Variants in MEF2A observed in about 807,000 individuals in gnomAD.
MEF2A encodes myocyte-specific enhancer factor 2A.
In MEF2A, 28 loss-of-function variants were observed where a neutral mutation model predicts 55.8. That is an observed-to-expected ratio of 0.50 (90% CI 0.37 to 0.69). The LOEUF (loss-of-function observed/expected upper bound fraction) is 0.69. MEF2A is among the 30% of genes least tolerant of loss of function. MEF2A has a pLI of 0.00. For missense variants in MEF2A, 528 were observed against 626.2 expected, an observed-to-expected ratio of 0.84 and a Z score of 1.67; for synonymous variants, 239 against 227.1, an observed-to-expected ratio of 1.05 and a Z score of -0.47.
intron 1 of MEF2A, among the ~76,000 whole-genome samples, chr15:99,597,801 A>G (rs983221550): frequency 3.9e-5 from 6 of 152,292 alleles, no homozygotes; most frequent in African/African-American, 9.6e-5. Flanking sequence ...AAGAACCTAC[A>G]TGAATATTGG....
chr15:99,607,443 A>G (rs1441249911), intron 2 of MEF2A, among the ~76,000 whole-genome samples: 1 of 152,222 alleles, frequency 6.6e-6, no homozygotes, highest in Non-Finnish European at 1.5e-5. Flanking sequence ...CACATTTATC[A>G]GGTTTGATTC....
chr15:99,579,080 A>G (rs1157618089), intron 1 of MEF2A, among the ~76,000 whole-genome samples: 1 of 152,014 alleles, frequency 6.6e-6, no homozygotes, highest in African/African-American at 2.4e-5. Flanking sequence ...CATTTGAATC[A>G]CTTCTTTCTT....
chr15:99,689,055 G>A (rs325393), intron 7 of MEF2A, among the ~76,000 whole-genome samples: 25 of 152,150 alleles, frequency 1.6e-4, no homozygotes, highest in African/African-American at 6.0e-4. Context: ...GGTTTCATAC[G>A]TATTTTATAT....
intron 4 of MEF2A, among the ~76,000 whole-genome samples, chr15:99,659,164 TG>T (rs533290906): frequency 6.6e-5 from 10 of 152,278 alleles, no homozygotes; most frequent in Middle Eastern, 3.4e-3. Context: ...CATTTACGTG[TG>T]GAGATCTAGA....
intron 1 of MEF2A, among the ~76,000 whole-genome samples, chr15:99,590,376 A>G (rs1968856431): frequency 1.3e-5 from 2 of 150,460 alleles, no homozygotes; most frequent in African/African-American, 4.9e-5. Flanking sequence ...TCTTATAGAC[A>G]ACATATATAT....
At chr15:99,583,598 C>T (rs1187603600) in intron 1 of MEF2A, among the ~76,000 whole-genome samples, 1 of 152,044 alleles carries the variant, frequency 6.6e-6, no homozygotes, top group African/African-American at 2.4e-5. Context: ...GGAATATTAG[C>T]TTGTACCATG....
At chr15:99,650,338 A>G (rs922537159) in intron 4 of MEF2A, among the ~76,000 whole-genome samples, 2 of 152,204 alleles carry the variant, frequency 1.3e-5, no homozygotes, top group Admixed American at 6.5e-5. Flanking sequence ...CCGTAAGTAG[A>G]TAAGATTTTA....
intron 1 of MEF2A, among the ~76,000 whole-genome samples, chr15:99,589,700 T>A (rs1196804326): frequency 6.6e-6 from 1 of 152,118 alleles, no homozygotes; most frequent in East Asian, 1.9e-4. Context: ...TGCCATTTAG[T>A]TCAATGTATT....
At chr15:99,656,902 T>C (rs1192030949) in intron 4 of MEF2A, among the ~76,000 whole-genome samples, 2 of 152,082 alleles carry the variant, frequency 1.3e-5, no homozygotes, top group East Asian at 3.9e-4. Context: ...CGCTATCTAA[T>C]TCTAGAACAT....
chr15:99,694,819 T>C (rs2056162721), intron 8 of MEF2A, among the ~76,000 whole-genome samples: 1 of 152,184 alleles, frequency 6.6e-6, no homozygotes. Context: ...CTCTCTCATT[T>C]ATTCAACCAT....
At chr15:99,663,236 A>T in intron 4 of MEF2A, among the ~76,000 whole-genome samples, 1 of 152,322 alleles carries the variant, frequency 6.6e-6, no homozygotes, top group South Asian at 2.1e-4. Flanking sequence ...GTTCTTATTT[A>T]AGAGCCCATA....
chr15:99,641,110 A>G (rs980278839), intron 3 of MEF2A, among the ~76,000 whole-genome samples: 1 of 152,122 alleles, frequency 6.6e-6, no homozygotes, highest in Non-Finnish European at 1.5e-5. Flanking sequence ...GTCCGCAAAG[A>G]ACTCTGATTG....
At position 99,713,127 on chromosome 15, in the gene MEF2A, G is replaced by C. The variant is rs1355540488; in HGVS notation, c.*356G>C. On this transcript the variant is annotated 3_prime_UTR_variant, in exon 12 of 12. Transcript: ENST00000557942. The stretch of plus-strand genomic sequence containing the variant: ...TATAATTCTCCCACACTAGCTTGCA[G>C]AAACCTAGAGGGCCCCCTACTTGTT... 4.7e-6 allele frequency: 2 copies of C among 428,734 alleles called. No homozygotes were observed. The highest frequency in any genetic ancestry group is 8.2e-6 in the Non-Finnish European group (2 of 243,058). The allele number at this position is 428,734 out of a possible 1,614,324, so 26.6% of individuals were successfully genotyped here.
chr15:99,645,937 T>C (rs1441183830), intron 4 of MEF2A, 173 bp downstream of exon 4: 4 of 508,282 alleles, frequency 7.9e-6, no homozygotes, highest in Non-Finnish European at 1.4e-5. Context: ...ACTTGTGTTA[T>C]AAACATACTC....
chr15:99,575,775 T>C (rs969602330), intron 1 of MEF2A, among the ~76,000 whole-genome samples: 2 of 152,234 alleles, frequency 1.3e-5, no homozygotes, highest in African/African-American at 4.8e-5. Context: ...CCTCTCCATT[T>C]ATTAGTGGGC....
chr15:99,572,928 A>C (rs1006720828), intron 1 of MEF2A, among the ~76,000 whole-genome samples: 5 of 152,248 alleles, frequency 3.3e-5, no homozygotes, highest in African/African-American at 9.6e-5. Context: ...TTGTGTGCTC[A>C]GTATCTACCA....
At chr15:99,700,187 T>TACAC (rs1234666173) in intron 8 of MEF2A, among the ~76,000 whole-genome samples, 11 of 112,294 alleles carry the variant, frequency 9.8e-5, no homozygotes, top group African/African-American at 2.6e-4. Context: ...TGTGTATATA[T>TACAC]ACACACACAC....
chr15:99,570,203 T>G (rs1961559965), intron 1 of MEF2A, among the ~76,000 whole-genome samples: 1 of 152,180 alleles, frequency 6.6e-6, no homozygotes, highest in Non-Finnish European at 1.5e-5. Context: ...TTCATCATTA[T>G]TTTAACAAGT....
At chr15:99,706,297 C>T (rs1025842644) in intron 9 of MEF2A, among the ~76,000 whole-genome samples, 4 of 152,156 alleles carry the variant, frequency 2.6e-5, no homozygotes, top group East Asian at 1.9e-4. Flanking sequence ...TAAATAATAC[C>T]GCAAAGAAAA....
Sources: gnomAD v4.1 joint callset for allele counts (sites outside exome capture counted in the v4.1 genomes callset) on GRCh38, gnomAD v4.1.1 for gene constraint, MANE v1.5 for transcripts, NCBI Gene and HGNC (gene_info 2026-07-23, HGNC 2026-07-21) for gene names.